The following CNTNAP2 variants were observed in gnomAD, a reference collection of about 807,000 sequenced individuals.
The protein encoded by CNTNAP2 is contactin associated protein 2, also known as contactin-associated protein-like 2.
A neutral mutation model predicts 155.2 loss-of-function variants in CNTNAP2; 98 were observed. That is an observed-to-expected ratio of 0.63 (90% CI 0.54 to 0.75). The LOEUF (loss-of-function observed/expected upper bound fraction) is 0.75. Ranked by LOEUF, CNTNAP2 falls within the 30% of genes least tolerant of loss-of-function variation. The pLI, the probability that CNTNAP2 is intolerant of heterozygous loss-of-function variation, is 0.00. For missense variants in CNTNAP2, 1,727 were observed against 1,688.1 expected (o/e 1.02, Z -0.40); for synonymous variants, 651 against 631.2 (o/e 1.03, Z -0.47).
intron 9 of CNTNAP2, among the ~76,000 whole-genome samples, chr7:147,309,733 T>C (rs1795088937): frequency 6.6e-6 from 1 of 152,148 alleles, no homozygotes; most frequent in African/African-American, 2.4e-5. Context: ...AAAAACACTT[T>C]TTTTAACTTT....
chr7:147,339,205 T>G (rs75566214), intron 9 of CNTNAP2, among the ~76,000 whole-genome samples: 2 of 58,080 alleles, frequency 3.4e-5, no homozygotes, highest in Non-Finnish European at 6.3e-5. Context: ...CCAAAAAAAA[T>G]GATATTAAAA....
chr7:146,835,409 A>C (rs1255245160), intron 2 of CNTNAP2, among the ~76,000 whole-genome samples: 1 of 152,170 alleles, frequency 6.6e-6, no homozygotes, highest in Non-Finnish European at 1.5e-5. Context: ...TTGGCTATAA[A>C]ATTTCTTCAA....
At position 148,152,712 on chromosome 7, in the gene CNTNAP2, A is replaced by G. The variant is rs570407676; in HGVS notation, c.2773+5003A>G. Among the ~76,000 whole-genome samples, 3 of 152,288 alleles carry G rather than the reference A, an allele frequency of 2.0e-5. No homozygotes were observed. The South Asian group carries it at 6.2e-4, about 32-fold the overall frequency. On this transcript the variant is annotated intron_variant, in intron 17 of 23. Coordinates refer to ENST00000361727, the MANE Select transcript of CNTNAP2 (RefSeq NM_014141.6). ...GAACCAGTTTTAAGGAGGGACAATT[A>G]TCATCCTTGCTTTAAAGCTAAACTC... is the stretch of plus-strand genomic sequence containing the variant.
At chr7:147,713,568 T>C (rs1796434951) in intron 13 of CNTNAP2, among the ~76,000 whole-genome samples, 1 of 152,208 alleles carries the variant, frequency 6.6e-6, no homozygotes, top group African/African-American at 2.4e-5. Flanking sequence ...TTTGGGTAAT[T>C]TCCAATGTGG....
Position 147,323,572 on chromosome 7 carries a change from T to G in CNTNAP2, c.1498+23282T>G, listed in dbSNP as rs1355773059. Among the ~76,000 whole-genome samples, 9 of 151,522 alleles carry G rather than the reference T, an allele frequency of 5.9e-5. No homozygotes were observed. The South Asian group carries it at 1.7e-3, about 28-fold the overall frequency. ...TATTCTGTTGATTTGGGGTGGAGAG[T>G]TCTGTAGATGTCTATTAGGTCCGCT... is the stretch of plus-strand genomic sequence containing the variant. On this transcript the variant is annotated intron_variant, in intron 9 of 23. Transcript: ENST00000361727.
At chr7:148,112,035 T>C (rs1804363649) in intron 15 of CNTNAP2, among the ~76,000 whole-genome samples, 1 of 152,070 alleles carries the variant, frequency 6.6e-6, no homozygotes, top group Non-Finnish European at 1.5e-5. Context: ...GCAGGAACCC[T>C]GAGAAGACCC....
intron 13 of CNTNAP2, among the ~76,000 whole-genome samples, chr7:147,735,761 C>T (rs1796832679): frequency 6.6e-6 from 1 of 152,002 alleles, no homozygotes. Flanking sequence ...GAATTGATCC[C>T]TTTACCATTA....
At chr7:146,666,413 AGT>A (rs767663709) in intron 1 of CNTNAP2, among the ~76,000 whole-genome samples, 2 of 152,130 alleles carry the variant, frequency 1.3e-5, no homozygotes, top group Non-Finnish European at 2.9e-5. Context: ...TGGACGCCTA[AGT>A]TGATTCCGTA....
chr7:146,663,277 CAAAAAAAAAA>C, intron 1 of CNTNAP2, among the ~76,000 whole-genome samples: 1 of 33,240 alleles, frequency 3.0e-5, no homozygotes, highest in East Asian at 6.8e-4. Context: ...AACTCCATCT[CAAAAAAAAAA>C]AAAAAAAAAA....
At chr7:147,577,870 C>T (rs1401671453) in intron 12 of CNTNAP2, among the ~76,000 whole-genome samples, 1 of 152,078 alleles carries the variant, frequency 6.6e-6, no homozygotes, top group Non-Finnish European at 1.5e-5. Context: ...CCTCTACTCT[C>T]CTCAAGTTTA....
intron 1 of CNTNAP2, among the ~76,000 whole-genome samples, chr7:146,483,328 T>C (rs545598388): frequency 0.041 from 3,296 of 81,256 alleles, 169 homozygotes; most frequent in African/African-American, 0.14. Flanking sequence ...TATATATATA[T>C]ACATATATAT....
intron 13 of CNTNAP2, among the ~76,000 whole-genome samples, chr7:147,680,050 G>GTGT (rs1795924626): frequency 6.6e-6 from 1 of 151,224 alleles, no homozygotes; most frequent in Non-Finnish European, 1.5e-5. Context: ...TCTGTAACCT[G>GTGT]TGCCTTCACT....
At chr7:146,122,038 C>A (rs1160075626) in intron 1 of CNTNAP2, among the ~76,000 whole-genome samples, 1 of 152,138 alleles carries the variant, frequency 6.6e-6, no homozygotes, top group African/African-American at 2.4e-5. Context: ...TTTCTCCATC[C>A]TAACAGTTCA....
At chr7:146,812,153 C>T (rs560124673) in intron 2 of CNTNAP2, among the ~76,000 whole-genome samples, 38 of 152,082 alleles carry the variant, frequency 2.5e-4, no homozygotes, top group African/African-American at 9.2e-4. Flanking sequence ...TTAGAGGGCT[C>T]AGAAGAAGAC....
intron 12 of CNTNAP2, among the ~76,000 whole-genome samples, chr7:147,569,977 G>A (rs191118301): frequency 3.3e-4 from 50 of 152,294 alleles, no homozygotes; most frequent in Non-Finnish European, 3.1e-4. Flanking sequence ...TATTCTTATT[G>A]TCTATTGGCC....
chr7:147,935,209 C>G (rs906195970), intron 14 of CNTNAP2, among the ~76,000 whole-genome samples: 4 of 151,836 alleles, frequency 2.6e-5, no homozygotes, highest in African/African-American at 9.7e-5. Flanking sequence ...TCACTGCAAT[C>G]TGTGCCTCCC....
At chr7:147,944,333 C>T (rs1025868435) in intron 14 of CNTNAP2, among the ~76,000 whole-genome samples, 3 of 152,162 alleles carry the variant, frequency 2.0e-5, no homozygotes, top group African/African-American at 7.2e-5. Context: ...ACATAAATAG[C>T]ATGGTTACTC....
chr7:146,739,366 A>G (rs184876583), intron 1 of CNTNAP2, among the ~76,000 whole-genome samples: 2 of 152,094 alleles, frequency 1.3e-5, no homozygotes, highest in East Asian at 3.9e-4. Flanking sequence ...ACTGGTCTCA[A>G]GAAATTTTTT....
chr7:148,229,630 CT>C lies in CNTNAP2; in HGVS notation c.3248-10del. On this transcript the variant is annotated splice_polypyrimidine_tract_variant and intron_variant, in intron 19 of 23. Transcript: ENST00000361727. ...TAGGGCAAACAAATTACTGAGCTTT[CT>C]TTTTTCTTCTATAGGAAGCTTACAG... 6.2e-7 allele frequency: 1 copy of C among 1,613,964 alleles called. No homozygotes were observed. The highest frequency in any genetic ancestry group is 1.3e-5 in the African/African-American group (1 of 75,010).
Sources: gnomAD v4.1 joint callset for allele counts (sites outside exome capture counted in the v4.1 genomes callset) on GRCh38, gnomAD v4.1.1 for gene constraint, MANE v1.5 for transcripts, NCBI Gene and HGNC (gene_info 2026-07-23, HGNC 2026-07-21) for gene names.